The following GTF2E2 variants were observed in gnomAD, a reference collection of about 807,000 sequenced individuals.
GTF2E2 encodes the protein general transcription factor IIE subunit 2.
In GTF2E2, 21 loss-of-function variants were observed where a neutral mutation model predicts 40.5. The ratio of observed to expected loss-of-function variants is 0.52; its 90% CI spans 0.37 to 0.75. GTF2E2 has a LOEUF of 0.75. GTF2E2 is among the 30% of genes least tolerant of loss of function. GTF2E2 has a pLI of 0.00. For missense variants in GTF2E2, 298 were observed against 338.4 expected, an observed-to-expected ratio of 0.88 and a Z score of 0.94; for synonymous variants, 117 against 121.6, an observed-to-expected ratio of 0.96 and a Z score of 0.25.
chr8:30,627,640 C>A (rs1801327834), intron 3 of GTF2E2, among the ~76,000 whole-genome samples: 1 of 151,952 alleles, frequency 6.6e-6, no homozygotes, highest in Admixed American at 6.6e-5. Context: ...ACCAGCCTGG[C>A]AACACAGCAA....
At position 30,598,395 on chromosome 8, in the gene GTF2E2, A is replaced by C. The variant is rs187928200; in HGVS notation, c.643+8662T>G. ...GCTGATCTGTATATTACTGTATAGA[A>C]AGAACACACAACACTATAAATTTTC... On this transcript the variant is annotated intron_variant, in intron 6 of 7. Coordinates refer to ENST00000355904, the MANE Select transcript of GTF2E2 (RefSeq NM_002095.6). Among the ~76,000 whole-genome samples the C allele has an allele frequency of 7.2e-5, 11 of 152,332 alleles. No individual in the cohort carries two copies. The East Asian group carries it at 9.6e-4, about 13-fold the overall frequency.
intron 2 of GTF2E2, among the ~76,000 whole-genome samples, chr8:30,647,247 ATAAC>A (rs1802124263): frequency 6.6e-6 from 1 of 152,126 alleles, no homozygotes; most frequent in Non-Finnish European, 1.5e-5. Flanking sequence ...TGTGCAATAA[ATAAC>A]TGTGTGGTGA....
chr8:30,623,750 ATT>A (rs1277496824), intron 3 of GTF2E2, among the ~76,000 whole-genome samples: 4 of 151,834 alleles, frequency 2.6e-5, no homozygotes, highest in African/African-American at 9.7e-5. Flanking sequence ...TTTGATTTGC[ATT>A]TCTCTGATGG....
chr8:30,613,759 G>A (rs924602657), intron 4 of GTF2E2, among the ~76,000 whole-genome samples: 2 of 152,174 alleles, frequency 1.3e-5, no homozygotes, highest in Non-Finnish European at 2.9e-5. Flanking sequence ...TTTACATTTG[G>A]TTTCTAGAAT....
chr8:30,594,823 C>CT (rs1015584746), intron 6 of GTF2E2, among the ~76,000 whole-genome samples: 1 of 150,794 alleles, frequency 6.6e-6, no homozygotes, highest in Non-Finnish European at 1.5e-5. Context: ...CACCACTGCA[C>CT]TCCAGCCTGG....
chr8:30,598,064 G>GA (rs1170377257), intron 6 of GTF2E2, among the ~76,000 whole-genome samples: 10 of 152,158 alleles, frequency 6.6e-5, no homozygotes, highest in Admixed American at 5.9e-4. Flanking sequence ...ATCAACATGT[G>GA]AAAACTGTAT....
At chr8:30,594,369 T>C (rs1485301452) in intron 6 of GTF2E2, among the ~76,000 whole-genome samples, 1 of 151,788 alleles carries the variant, frequency 6.6e-6, no homozygotes, top group Non-Finnish European at 1.5e-5. Context: ...GCAATTCTAC[T>C]GCCTCAGCCT....
At chr8:30,595,958 C>T (rs1250518795) in intron 6 of GTF2E2, among the ~76,000 whole-genome samples, 3 of 152,198 alleles carry the variant, frequency 2.0e-5, no homozygotes, top group African/African-American at 4.8e-5. Flanking sequence ...CCCTTTTGGC[C>T]ATTTAAAGAT....
chr8:30,629,209 T>G (rs1019674270), intron 3 of GTF2E2, among the ~76,000 whole-genome samples: 1 of 152,204 alleles, frequency 6.6e-6, no homozygotes, highest in Non-Finnish European at 1.5e-5. Context: ...TACTTTTATT[T>G]AAAACTGGAA....
chr8:30,625,753 C>G (rs1194407090), intron 3 of GTF2E2, among the ~76,000 whole-genome samples: 2 of 152,204 alleles, frequency 1.3e-5, no homozygotes, highest in Admixed American at 6.5e-5. Context: ...CATGCGCCAT[C>G]ACACCCAGGT....
At chr8:30,625,157 C>A (rs1459344108) in intron 3 of GTF2E2, among the ~76,000 whole-genome samples, 1 of 151,944 alleles carries the variant, frequency 6.6e-6, no homozygotes, top group Admixed American at 6.5e-5. Flanking sequence ...TCATAAATAG[C>A]TCTTATTATT....
intron 3 of GTF2E2, among the ~76,000 whole-genome samples, chr8:30,633,717 AT>A (rs1406801221): frequency 6.6e-6 from 1 of 152,134 alleles, no homozygotes; most frequent in African/African-American, 2.4e-5. Flanking sequence ...TGAGGGTGGC[AT>A]TTTTTTCTGG....
At chr8:30,638,908 A>G (rs972027972) in intron 2 of GTF2E2, among the ~76,000 whole-genome samples, 2 of 152,158 alleles carry the variant, frequency 1.3e-5, no homozygotes, top group Non-Finnish European at 2.9e-5. Context: ...CTCAGAGTAA[A>G]CCATAGCTTT....
chr8:30,626,967 T>A (rs1481760493), intron 3 of GTF2E2, among the ~76,000 whole-genome samples: 2 of 152,198 alleles, frequency 1.3e-5, no homozygotes, highest in Non-Finnish European at 2.9e-5. Context: ...TAAATCACAT[T>A]CAGTGAAAAA....
intron 2 of GTF2E2, chr8:30,645,798 A>C (rs1326463284): frequency 1.8e-6 from 1 of 548,218 alleles, no homozygotes; most frequent in East Asian, 2.9e-5. Flanking sequence ...AAACTTCATG[A>C]ATGTGAATTT....
intron 5 of GTF2E2, among the ~76,000 whole-genome samples, chr8:30,609,521 G>A (rs1234805607): frequency 6.6e-6 from 1 of 152,142 alleles, no homozygotes; most frequent in Non-Finnish European, 1.5e-5. Flanking sequence ...AATGAATTCT[G>A]TGCTCATGTA....
chr8:30,621,139 T>C (rs978629999), intron 3 of GTF2E2, among the ~76,000 whole-genome samples: 1 of 152,090 alleles, frequency 6.6e-6, no homozygotes, highest in African/African-American at 2.4e-5. Context: ...TTGTTTCCTT[T>C]ACATTAAAAG....
At chr8:30,615,607 A>G (rs369845593) in intron 3 of GTF2E2, among the ~76,000 whole-genome samples, 4 of 152,338 alleles carry the variant, frequency 2.6e-5, no homozygotes, top group African/African-American at 4.8e-5. Flanking sequence ...AGACAAATTA[A>G]TAAGTTAAAA....
At chr8:30,606,919 C>T (rs1457061097) in intron 6 of GTF2E2, 138 bp downstream of exon 6, 6 of 430,932 alleles carry the variant, frequency 1.4e-5, no homozygotes, top group Non-Finnish European at 2.5e-5. Flanking sequence ...ACACAGGGGC[C>T]ACTGGCTGTG....
Sources: allele counts gnomAD v4.1 joint callset (sites outside exome capture counted in the v4.1 genomes callset), GRCh38; gene constraint gnomAD v4.1.1; transcripts MANE v1.5; gene names NCBI Gene and HGNC (gene_info 2026-07-23, HGNC 2026-07-21).